GPD2: variants seen among roughly 807,000 people sequenced by gnomAD.
GPD2 encodes the protein glycerol-3-phosphate dehydrogenase, mitochondrial.
GPD2 carries 54 observed loss-of-function variants against 82.4 expected under a neutral mutation model. The observed-to-expected ratio is 0.66, with a 90% CI of 0.53 to 0.82. The LOEUF (loss-of-function observed/expected upper bound fraction) is 0.82, where lower values mean the gene tolerates loss of function less well. GPD2 is among the 40% of genes least tolerant of loss of function. The pLI is 0.00. For missense variants in GPD2, 748 were observed against 896.2 expected, an observed-to-expected ratio of 0.83 and a Z score of 2.11; for synonymous variants, 288 against 306.1, an observed-to-expected ratio of 0.94 and a Z score of 0.62.
intron 6 of GPD2, among the ~76,000 whole-genome samples, chr2:156,529,390 C>T (rs1254756622): frequency 9.5e-5 from 13 of 136,824 alleles, no homozygotes; most frequent in South Asian, 2.5e-4. Context: ...TTGTAGGTTG[C>T]CTGTTCACTC....
intron 6 of GPD2, among the ~76,000 whole-genome samples, chr2:156,548,280 T>C (rs1469608325): frequency 6.6e-6 from 1 of 152,238 alleles, no homozygotes; most frequent in Non-Finnish European, 1.5e-5. Flanking sequence ...AGGATCATGC[T>C]GAGTTGAAAC....
At chr2:156,526,409 T>C (rs777631496) in intron 6 of GPD2, among the ~76,000 whole-genome samples, 10 of 152,152 alleles carry the variant, frequency 6.6e-5, no homozygotes, top group African/African-American at 1.9e-4. Flanking sequence ...TAAAATCTGG[T>C]TCATAACATT....
At chr2:156,411,219 T>C in the GPD2 span, among the ~76,000 whole-genome samples, 1 of 152,156 alleles carries the variant, frequency 6.6e-6, no homozygotes, top group Non-Finnish European at 1.5e-5. Context: ...CTCTAGAGCT[T>C]ATGTTCTTAA....
At chr2:156,476,039 G>C (rs1049004159) in intron 1 of GPD2, 59 bp from the exon 2 acceptor site, 1 of 846,700 alleles carries the variant, frequency 1.2e-6, no homozygotes, top group Non-Finnish European at 2.1e-6. Flanking sequence ...TTATTATTGG[G>C]ATGGTTATGC....
rs142568511 is a variant in GPD2 at position 156,479,751 on chromosome 2, T to C, written c.102+3544T>C. On this transcript the variant is annotated intron_variant, in intron 2 of 16. Transcript: ENST00000438166. Reference sequence around the variant, plus strand: ...CAGATAACATCCACATTCCAGGCCTTCCTCAGTTAAGCATCTGAGGGCTTT... The same window carrying C: ...CAGATAACATCCACATTCCAGGCCTCCCTCAGTTAAGCATCTGAGGGCTTT... 2.3e-4 allele frequency among the ~76,000 whole-genome samples: 35 copies of C among 152,276 alleles called. No homozygotes were observed. The East Asian group carries it at 6.2e-3, about 27-fold the overall frequency.
At chr2:156,435,745 G>C (rs1484402533), upstream of GPD2, 3 of 152,224 alleles carry the variant, frequency 2.0e-5, no homozygotes, top group Non-Finnish European at 2.9e-5. Flanking sequence ...GAAGCCTGCC[G>C]GCCGGGAGGT....
chr2:156,569,965 T>C, intron 11 of GPD2, 122 bp from the exon 12 acceptor site: 1 of 850,606 alleles, frequency 1.2e-6, no homozygotes, highest in Non-Finnish European at 1.9e-6. Flanking sequence ...TATAATACTC[T>C]CCGAGAGCTA....
At chr2:156,491,707 G>A (rs1273386969) in intron 2 of GPD2, among the ~76,000 whole-genome samples, 1 of 152,084 alleles carries the variant, frequency 6.6e-6, no homozygotes, top group African/African-American at 2.4e-5. Context: ...TTGCTTGGTT[G>A]TGTAGTGTGT....
At chr2:156,486,119 G>GTTTT (rs1428752455) in intron 2 of GPD2, among the ~76,000 whole-genome samples, 1 of 152,260 alleles carries the variant, frequency 6.6e-6, no homozygotes, top group African/African-American at 2.4e-5. Context: ...ATGGTTAACT[G>GTTTT]TTTTTTCAGA....
intron 6 of GPD2, among the ~76,000 whole-genome samples, chr2:156,540,630 G>A (rs1474370473): frequency 1.3e-5 from 2 of 152,176 alleles, no homozygotes; most frequent in African/African-American, 2.4e-5. Flanking sequence ...AGTGACAGAG[G>A]CTCTGTGGTT....
chr2:156,403,621 G>GTT, the GPD2 span, among the ~76,000 whole-genome samples: 1 of 151,776 alleles, frequency 6.6e-6, no homozygotes, highest in Non-Finnish European at 1.5e-5. Flanking sequence ...GGGTGTGTGT[G>GTT]TGTGTGTGTG....
chr2:156,439,567 C>T (rs1411320996), intron 1 of GPD2, among the ~76,000 whole-genome samples: 1 of 119,476 alleles, frequency 8.4e-6, no homozygotes, highest in African/African-American at 3.2e-5. Context: ...GCCAGGCAGG[C>T]ACAGTGACTC....
intron 2 of GPD2, among the ~76,000 whole-genome samples, chr2:156,493,619 G>A (rs1684261471): frequency 6.6e-6 from 1 of 152,094 alleles, no homozygotes; most frequent in Non-Finnish European, 1.5e-5. Flanking sequence ...AGTTAGAGTA[G>A]AATAGAGGAC....
At chr2:156,528,529 C>T (rs1019490939) in intron 6 of GPD2, among the ~76,000 whole-genome samples, 1 of 151,222 alleles carries the variant, frequency 6.6e-6, no homozygotes, top group African/African-American at 2.4e-5. Flanking sequence ...TGCTAGTGCG[C>T]TGCACCCACT....
At chr2:156,412,126 T>C in the GPD2 span, among the ~76,000 whole-genome samples, 1 of 152,170 alleles carries the variant, frequency 6.6e-6, no homozygotes, top group Non-Finnish European at 1.5e-5. Context: ...ACTTGCCCCA[T>C]TGTACAATCC....
chr2:156,440,339 A>G (rs1042185024), intron 1 of GPD2, among the ~76,000 whole-genome samples: 1 of 152,238 alleles, frequency 6.6e-6, no homozygotes, highest in African/African-American at 2.4e-5. Context: ...TTCTTCCTGT[A>G]CTATATGACC....
At position 156,549,639 on chromosome 2, in the gene GPD2, C is replaced by T; in HGVS notation, c.693C>T (p.Ala231=). 1 of 1,614,064 alleles carries T rather than the reference C, an allele frequency of 6.2e-7. No individual in the cohort carries two copies. Among genetic ancestry groups the T allele is most frequent in the Admixed American group, 1.7e-5 (1 of 60,020 alleles). The part of the protein sequence containing the change: ...GQHNDARMNL[A]IALTAARYGA... ...ATAACGATGCACGGATGAACCTTGC[C>T]ATTGCTCTGACTGCTGCCAGGTATG... is the stretch of plus-strand genomic sequence containing the variant. The change falls in exon 7 of 17, where the codon GCC becomes GCT. Residue 231 remains alanine (A), a synonymous_variant. Coordinates refer to ENST00000438166, the MANE Select transcript of GPD2 (RefSeq NM_000408.5).
intron 9 of GPD2, among the ~76,000 whole-genome samples, chr2:156,564,389 G>A (rs757744952): frequency 3.3e-5 from 5 of 152,074 alleles, no homozygotes; most frequent in Admixed American, 2.6e-4. Flanking sequence ...AAAAACTTTC[G>A]TTAGGGTTTA....
upstream of GPD2, among the ~76,000 whole-genome samples, chr2:156,432,386 T>A (rs1242783890): frequency 1.3e-5 from 2 of 152,140 alleles, no homozygotes; most frequent in Non-Finnish European, 2.9e-5. Context: ...AGTACCAAAT[T>A]GGAAGTTTTT....
Sources: gnomAD v4.1 joint callset for allele counts (sites outside exome capture counted in the v4.1 genomes callset) on GRCh38, gnomAD v4.1.1 for gene constraint, MANE v1.5 for transcripts, NCBI Gene and HGNC (gene_info 2026-07-23, HGNC 2026-07-21) for gene names.